Variants in CPM observed in about 807,000 individuals in gnomAD.
The protein encoded by CPM is renal carboxypeptidase.
CPM carries 35 observed loss-of-function variants against 46.4 expected under a neutral mutation model. That is an observed-to-expected ratio of 0.75 (90% confidence interval 0.58 to 1.00). CPM has a LOEUF of 1.00. CPM is among the 50% of genes least tolerant of loss of function. CPM has a pLI of 0.00. For missense variants in CPM, 422 were observed against 530.4 expected (o/e 0.80, Z 2.01); for synonymous variants, 195 against 195.3 (o/e 1.00, Z 0.01).
At chr12:68,888,725 C>G (rs1248125571) in intron 2 of CPM, among the ~76,000 whole-genome samples, 1 of 152,212 alleles carries the variant, frequency 6.6e-6, no homozygotes, top group East Asian at 1.9e-4. Context: ...CTCAGCCACT[C>G]TCTCTCCACC....
At chr12:68,861,366 GC>G (rs1055576701) in intron 7 of CPM, among the ~76,000 whole-genome samples, 2 of 152,132 alleles carry the variant, frequency 1.3e-5, no homozygotes, top group African/African-American at 4.8e-5. Context: ...CAGTCTTCAT[GC>G]CACTTAGAAA....
upstream of CPM, among the ~76,000 whole-genome samples, chr12:68,937,631 G>A (rs558411039): frequency 2.2e-4 from 34 of 152,138 alleles, no homozygotes; most frequent in Admixed American, 1.2e-3. Flanking sequence ...GCAAGAAGCA[G>A]ATAATAAAAG....
At chr12:68,870,516 G>A (rs1885647882) in intron 4 of CPM, 117 bp from the exon 5 acceptor site, 1 of 844,462 alleles carries the variant, frequency 1.2e-6, no homozygotes, top group Non-Finnish European at 1.8e-6. Flanking sequence ...GTATGGGTGT[G>A]GTGGATGGCT....
intron 1 of CPM, among the ~76,000 whole-genome samples, chr12:68,962,754 A>T (rs917341980): frequency 6.6e-6 from 1 of 152,214 alleles, no homozygotes; most frequent in Admixed American, 6.5e-5. Flanking sequence ...AACATTTACA[A>T]TCTGTTCTCT....
downstream of CPM, chr12:68,847,661 G>A (rs1434719984): frequency 6.6e-6 from 1 of 151,488 alleles, no homozygotes; most frequent in South Asian, 2.1e-4. Flanking sequence ...CACCGTGTTA[G>A]CCAAGATGGT....
chr12:68,887,547 C>T (rs914528778), intron 2 of CPM, among the ~76,000 whole-genome samples: 1 of 152,150 alleles, frequency 6.6e-6, no homozygotes, highest in Non-Finnish European at 1.5e-5. Context: ...TCAGAAAACA[C>T]CCACAAAATG....
At chr12:68,859,694 A>C (rs1481787450) in intron 7 of CPM, among the ~76,000 whole-genome samples, 1 of 152,218 alleles carries the variant, frequency 6.6e-6, no homozygotes, top group Non-Finnish European at 1.5e-5. Flanking sequence ...ATGATTTTAC[A>C]GATGAAAAAA....
At chr12:68,944,950 TTGAGTCA>T (rs1025312432) in intron 1 of CPM, among the ~76,000 whole-genome samples, 6 of 152,218 alleles carry the variant, frequency 3.9e-5, no homozygotes, top group Admixed American at 2.0e-4. Context: ...ACAGGACCAG[TTGAGTCA>T]TGAGTCATGA....
chr12:68,878,809 G>A (rs1037611244), intron 3 of CPM, among the ~76,000 whole-genome samples: 2 of 152,172 alleles, frequency 1.3e-5, no homozygotes, highest in Non-Finnish European at 2.9e-5. Flanking sequence ...CCCATATTAA[G>A]TCTATCTTAG....
At chr12:68,933,057 C>T in intron 1 of CPM, 85 bp downstream of exon 1, 1 of 475,304 alleles carries the variant, frequency 2.1e-6, no homozygotes, top group Non-Finnish European at 3.8e-6. Context: ...CAGCCGCCCG[C>T]GCCTCCCTCT....
chr12:68,932,929 G>A, intron 1 of CPM, 89 bp from the exon 2 acceptor site: 2 of 1,242,074 alleles, frequency 1.6e-6, no homozygotes, highest in Non-Finnish European at 2.3e-6. Flanking sequence ...CCGGTCTCAG[G>A]GTCTCCCGAC....
intron 8 of CPM, among the ~76,000 whole-genome samples, chr12:68,857,658 A>T (rs1885037431): frequency 6.6e-6 from 1 of 152,072 alleles, no homozygotes; most frequent in Admixed American, 6.6e-5. Context: ...CATTTACATA[A>T]CCACTCATTG....
At chr12:68,867,893 C>T (rs1382661579) in intron 6 of CPM, among the ~76,000 whole-genome samples, 2 of 152,200 alleles carry the variant, frequency 1.3e-5, no homozygotes, top group African/African-American at 4.8e-5. Flanking sequence ...ATAGCCAGAA[C>T]TGAGAATGCC....
chr12:68,863,345 G>A (rs1279557187), intron 7 of CPM, among the ~76,000 whole-genome samples: 1 of 152,176 alleles, frequency 6.6e-6, no homozygotes, highest in Admixed American at 6.5e-5. Context: ...GCTCATCTTT[G>A]CTTCTCCTCA....
chr12:68,893,800 G>A (rs1886754516), intron 2 of CPM, among the ~76,000 whole-genome samples: 1 of 152,192 alleles, frequency 6.6e-6, no homozygotes, highest in Admixed American at 6.5e-5. Context: ...GCCACCTGCT[G>A]TGTTAGTATA....
intron 1 of CPM, among the ~76,000 whole-genome samples, chr12:68,955,415 G>A (rs1888998643): frequency 1.3e-5 from 2 of 152,186 alleles, no homozygotes; most frequent in Non-Finnish European, 1.5e-5. Flanking sequence ...ACAGCCCTGG[G>A]TTCAGGAGCC....
intron 2 of CPM, among the ~76,000 whole-genome samples, chr12:68,901,890 G>A (rs925256625): frequency 1.3e-5 from 2 of 152,126 alleles, no homozygotes; most frequent in African/African-American, 4.8e-5. Context: ...GAGAGAAGGG[G>A]AGAGGGGAGG....
At chr12:68,875,345 A>G (rs143313986) in intron 3 of CPM, among the ~76,000 whole-genome samples, 1,581 of 120,310 alleles carry the variant, frequency 0.013, 17 homozygotes, top group South Asian at 0.053. Flanking sequence ...ACAGAGCAGG[A>G]CTCCACCTCA....
intron 7 of CPM, among the ~76,000 whole-genome samples, chr12:68,861,941 T>C (rs1335546442): frequency 8.1e-6 from 1 of 124,012 alleles, no homozygotes; most frequent in Non-Finnish European, 1.7e-5. Flanking sequence ...AAAAAAGTCA[T>C]GGTACCCTTT....
Sources: allele counts gnomAD v4.1 joint callset (sites outside exome capture counted in the v4.1 genomes callset), GRCh38; gene constraint gnomAD v4.1.1; transcripts MANE v1.5; gene names NCBI Gene and HGNC (gene_info 2026-07-23, HGNC 2026-07-21).